The following SPATA13 variants were observed in gnomAD, a reference collection of about 807,000 sequenced individuals.
SPATA13 encodes spermatogenesis associated 13.
In SPATA13, 50 loss-of-function variants were observed where a neutral mutation model predicts 104.0. The ratio of observed to expected loss-of-function variants is 0.48; its 90% confidence interval spans 0.38 to 0.61. The LOEUF is 0.61. Ranked by LOEUF, SPATA13 falls within the 20% of genes least tolerant of loss-of-function variation. The pLI is 0.00. For missense variants in SPATA13, 1,524 were observed against 1,690.6 expected (o/e 0.90, Z 1.73); for synonymous variants, 606 against 667.5 (o/e 0.91, Z 1.42).
intron 3 of SPATA13, among the ~76,000 whole-genome samples, chr13:24,102,825 T>C (rs555737899): frequency 9.8e-5 from 15 of 152,338 alleles, no homozygotes; most frequent in African/African-American, 3.4e-4. Flanking sequence ...TTATTTTTGC[T>C]TTTGTTGCCG....
intron 3 of SPATA13, among the ~76,000 whole-genome samples, chr13:24,044,620 A>T (rs993343280): frequency 6.6e-6 from 1 of 152,160 alleles, no homozygotes; most frequent in Non-Finnish European, 1.5e-5. Context: ...TAATGATCGA[A>T]TCGGGGTAAT....
At position 24,110,559 on chromosome 13, in the gene SPATA13, G is replaced by A. The variant is rs531434671; in HGVS notation, c.-112+92858G>A. Among the ~76,000 whole-genome samples, 74 of 152,286 alleles carry A rather than the reference G, an allele frequency of 4.9e-4. 1 individual carries two copies. Among genetic ancestry groups the A allele is most frequent in the African/African-American group, 1.6e-3 (67 of 41,556 alleles). ...CCTAATCTTTACTGCCTCCTAAGGC[G>A]GTGGAGAAGCAGGGTTTGTGGGTAA... On this transcript the variant is annotated intron_variant, in intron 3 of 14. Coordinates refer to the SPATA13 transcript ENST00000424834.
chr13:24,084,989 A>AG (rs1479380147), intron 3 of SPATA13, among the ~76,000 whole-genome samples: 1 of 152,242 alleles, frequency 6.6e-6, no homozygotes, highest in African/African-American at 2.4e-5. Flanking sequence ...ATAAGATGCT[A>AG]GGGGCAATAA....
chr13:24,162,020 C>T (rs1882518119), intron 1 of SPATA13, among the ~76,000 whole-genome samples: 1 of 151,986 alleles, frequency 6.6e-6, no homozygotes, highest in African/African-American at 2.4e-5. Flanking sequence ...TTCCTAATGT[C>T]CCCCTCCCCC....
chr13:24,227,522 A>G (rs1056913187), intron 2 of SPATA13, among the ~76,000 whole-genome samples: 1 of 152,154 alleles, frequency 6.6e-6, no homozygotes, highest in African/African-American at 2.4e-5. Context: ...TAATTCTACG[A>G]ATTTGCCTCC....
intron 2 of SPATA13, among the ~76,000 whole-genome samples, chr13:24,237,824 A>C (rs1342195841): frequency 6.7e-6 from 1 of 149,630 alleles, no homozygotes; most frequent in Non-Finnish European, 1.5e-5. Flanking sequence ...TAGTCAAAGT[A>C]GTAGACATTA....
At position 24,223,983 on chromosome 13, in the gene SPATA13, C is replaced by G; in HGVS notation, c.1054C>G (p.Gln352Glu). The stretch of plus-strand genomic sequence containing the variant: ...CCCTGGAGAGGCCAGCCTGAGACTT[C>G]AGGCACACAGCCGGCTGCATGACGA... The part of the protein sequence containing the change: ...PSPGEASLRL[Q>E]AHSRLHDDYS... The change falls in exon 2 of 13, where the codon CAG becomes GAG. Residue 352 changes from glutamine (Q) to glutamate (E), a missense_variant. Transcript: ENST00000382108. 1.3e-6 allele frequency: 2 copies of G among 1,548,784 alleles called. No homozygotes were observed. The highest frequency in any genetic ancestry group is 1.7e-6 in the Non-Finnish European group (2 of 1,145,276).
chr13:24,082,602 T>C (rs1879562308), intron 3 of SPATA13, among the ~76,000 whole-genome samples: 1 of 151,008 alleles, frequency 6.6e-6, no homozygotes, highest in Admixed American at 6.6e-5. Flanking sequence ...GGGTGGATCA[T>C]GAGGTCAGGA....
rs1320168671 is a variant in SPATA13 at position 24,223,852 on chromosome 13, G to A, written c.923G>A (p.Trp308Ter). The part of the protein sequence containing the change: ...QKLGSGRTKR[W>*]RSPIRAKDFD... ...CTTGGGTCAGGAAGGACCAAACGCT[G>A]GAGGAGCCCGATAAGGGCCAAGGAC... is the stretch of plus-strand genomic sequence containing the variant. Residue 308 changes from tryptophan to a stop codon, truncating the protein, a stop_gained, in exon 2 of 13, where the codon TGG becomes TAG. Coordinates refer to ENST00000382108, the MANE Select transcript of SPATA13 (RefSeq NM_001166271.3). LOFTEE classifies it high-confidence loss of function. 1 of 1,551,750 alleles carries A rather than the reference G, an allele frequency of 6.4e-7. No homozygotes were observed. The highest frequency in any genetic ancestry group is 1.2e-5 in the South Asian group (1 of 84,068).
At chr13:24,235,352 C>T (rs936055582) in intron 2 of SPATA13, among the ~76,000 whole-genome samples, 2 of 152,212 alleles carry the variant, frequency 1.3e-5, no homozygotes, top group African/African-American at 4.8e-5. Context: ...TGAGGCTCCT[C>T]TAGGTATAAA....
intron 4 of SPATA13, among the ~76,000 whole-genome samples, chr13:24,262,990 A>G (rs947960661): frequency 1.3e-5 from 2 of 152,184 alleles, no homozygotes; most frequent in Admixed American, 6.5e-5. Flanking sequence ...GGTCTTTTTT[A>G]TAGATTCTCT....
intron 1 of SPATA13, among the ~76,000 whole-genome samples, chr13:24,220,857 T>C (rs767771806): frequency 1.3e-5 from 2 of 152,198 alleles, no homozygotes; most frequent in Non-Finnish European, 2.9e-5. Flanking sequence ...ATAGAACCCA[T>C]CAAGAACATG....
At chr13:24,067,805 A>G (rs1879018457) in intron 3 of SPATA13, among the ~76,000 whole-genome samples, 2 of 152,074 alleles carry the variant, frequency 1.3e-5, no homozygotes, top group African/African-American at 2.4e-5. Context: ...CCCAGGATCA[A>G]GTGATTCTCC....
chr13:24,223,726 T>G lies in SPATA13; in HGVS notation c.797T>G (p.Phe266Cys). The stretch of plus-strand genomic sequence containing the variant: ...CTTGCCTTTCTGAAGAAGAGCTCCT[T>G]TAAGCGGAAGTCCACCTCCAATCTT... ...DNLAFLKKSS[F>C]KRKSTSNLAD... Residue 266 changes from phenylalanine to cysteine, a missense_variant, in exon 2 of 13, where the codon TTT (phenylalanine) becomes TGT (cysteine). Phe to Cys is a radical substitution (Grantham distance 205, BLOSUM62 -2). This residue lies in a region of SPATA13 where 1,089 missense variants were observed against 1,135.9 expected (regional missense o/e 0.96). Transcript: ENST00000382108. 1 of 1,552,034 alleles carries G rather than the reference T, an allele frequency of 6.4e-7. No homozygotes were observed. Among genetic ancestry groups the G allele is most frequent in the South Asian group, 1.2e-5 (1 of 84,064 alleles).
chr13:24,107,966 A>G (rs1305245153), intron 3 of SPATA13, among the ~76,000 whole-genome samples: 1 of 152,200 alleles, frequency 6.6e-6, no homozygotes, highest in African/African-American at 2.4e-5. Context: ...CGATATCACA[A>G]ACTGGGTTAT....
At chr13:24,183,810 C>T (rs1485742606) in intron 1 of SPATA13, among the ~76,000 whole-genome samples, 1 of 152,092 alleles carries the variant, frequency 6.6e-6, no homozygotes, top group Admixed American at 6.6e-5. Context: ...CAGGACTCTT[C>T]TCTGTGCTGG....
At chr13:24,270,331 C>T (rs1044844027) in intron 4 of SPATA13, among the ~76,000 whole-genome samples, 3 of 152,132 alleles carry the variant, frequency 2.0e-5, no homozygotes, top group African/African-American at 7.2e-5. Context: ...AAAGTGATTT[C>T]ATAAATTTAT....
At chr13:24,013,466 G>A (rs1391522595) in intron 2 of SPATA13, among the ~76,000 whole-genome samples, 2 of 152,170 alleles carry the variant, frequency 1.3e-5, no homozygotes, top group Admixed American at 6.5e-5. Flanking sequence ...GACACTGCTT[G>A]GGGACAGTGC....
chr13:24,083,193 G>A (rs1879599470), intron 3 of SPATA13, among the ~76,000 whole-genome samples: 1 of 152,228 alleles, frequency 6.6e-6, no homozygotes, highest in Non-Finnish European at 1.5e-5. Context: ...AGCCGAGTAA[G>A]TTCTCTATCA....
Sources: gnomAD v4.1 joint callset for allele counts (sites outside exome capture counted in the v4.1 genomes callset) on GRCh38, gnomAD v4.1.1 for gene constraint, gnomAD v4.1.1 regional missense constraint, MANE v1.5 for transcripts, NCBI Gene and HGNC (gene_info 2026-07-23, HGNC 2026-07-21) for gene names.